DLG4: variants seen among roughly 807,000 people sequenced by gnomAD.
DLG4 encodes the protein disks large homolog 4.
A neutral mutation model predicts 93.8 loss-of-function variants in DLG4; 7 were observed. The observed-to-expected ratio is 0.07, with a 90% CI of 0.04 to 0.14. The LOEUF is 0.14. Ranked by LOEUF, DLG4 falls within the 10% of genes least tolerant of loss-of-function variation. DLG4 has a pLI of 1.00. For missense variants in DLG4, 545 were observed against 992.9 expected, an observed-to-expected ratio of 0.55 and a Z score of 6.06; for synonymous variants, 341 against 387.6, an observed-to-expected ratio of 0.88 and a Z score of 1.41.
rs994463041 is a variant in DLG4 at position 7,191,439 on chromosome 17, G to C, written c.1977-81C>G. On this transcript the variant is annotated intron_variant, in intron 18 of 19. Transcript: ENST00000399506. This position sits in a 1 kb window ranked among gnomAD's most constrained non-coding sequence, Gnocchi z 6.6. ...TATCTCCTCTATCCAGGAATGTTAA[G>C]TATTCTTCTATTTGGAGCACATAGC... The C allele has an allele frequency of 9.1e-7, 1 of 1,096,174 alleles. No individual in the cohort carries two copies. The highest frequency in any genetic ancestry group is 1.3e-5 in the South Asian group (1 of 78,378). 67.9% of individuals were successfully genotyped at this position (1,096,174 alleles called of 1,614,324 possible).
upstream of DLG4, chr17:7,219,598 TC>T: frequency 2.6e-6 from 3 of 1,167,068 alleles, no homozygotes; most frequent in Non-Finnish European, 3.2e-6. Context: ...ACCTTACACT[TC>T]TCTTTCCCTA....
chr17:7,214,596 G>A (rs973388786), intron 1 of DLG4, among the ~76,000 whole-genome samples: 4 of 152,192 alleles, frequency 2.6e-5, no homozygotes, highest in African/African-American at 9.7e-5. Flanking sequence ...CGCTCCTGGG[G>A]CTCTGGCAAA....
In DLG4 at chr17:7,192,999, G is replaced by A; in HGVS notation, c.1812C>T (p.Tyr604=). 1 of 1,613,752 alleles carries A rather than the reference G, an allele frequency of 6.2e-7. No individual in the cohort carries two copies. ...QAHKFIEAGQ[Y]NSHLYGTSVQ... is the part of the protein sequence containing the mutation. ...CGCTGGTCCCATAGAGGTGGCTGTT[G>A]TACTGGCCGGCCTCAATGAACTTGT... The change falls in exon 17 of 20, where the codon TAC becomes TAT. Residue 604 remains tyrosine, a synonymous_variant. Coordinates refer to ENST00000399506, the MANE Select transcript of DLG4 (RefSeq NM_001321075.3).
Position 7,196,465 on chromosome 17 carries a change from C to T in DLG4, c.1186+8G>A. On this transcript the variant is annotated splice_region_variant and intron_variant, in intron 10 of 19. Transcript: ENST00000399506. The surrounding 1 kb of genome is among the most constrained non-coding windows in gnomAD (Gnocchi z 8.3). ...AGCTCACAAGACAAGGAACTTCCGG[C>T]CTGGTACCTTCTGGTTTATACTGAG... is the stretch of plus-strand genomic sequence containing the variant. The T allele has an allele frequency of 6.2e-7, 1 of 1,613,934 alleles. No individual in the cohort carries two copies. Among genetic ancestry groups the T allele is most frequent in the Non-Finnish European group, 8.5e-7 (1 of 1,179,800 alleles).
chr17:7,191,959 C>T lies in DLG4; in HGVS notation c.1910G>A (p.Arg637Gln). ...ILDVSANAVR[R>Q]LQAAHLHPIA... ...GGGGTGCAGGTGGGCCGCCTGCAGC[C>T]GCCGCACGGCATTGGCCGAGACATC... The change falls in exon 18 of 20, where the codon CGG (arginine) becomes CAG (glutamine). Residue 637 changes from arginine to glutamine, a missense_variant. This residue lies in a region of DLG4 where 428 missense variants were observed against 741.4 expected (regional missense o/e 0.58). Coordinates refer to ENST00000399506, the MANE Select transcript of DLG4 (RefSeq NM_001321075.3). The surrounding 1 kb of genome is among the most constrained non-coding windows in gnomAD (Gnocchi z 6.6). The T allele has an allele frequency of 6.8e-7, 1 of 1,478,864 alleles. No individual in the cohort carries two copies. The highest frequency in any genetic ancestry group is 1.4e-5 in the South Asian group (1 of 70,544). The allele number at this position is 1,478,864 out of a possible 1,614,324, so 91.6% of individuals were successfully genotyped here.
chr17:7,211,616 C>G, intron 1 of DLG4: 1 of 889,050 alleles, frequency 1.1e-6, no homozygotes, highest in Non-Finnish European at 1.3e-6. Flanking sequence ...TGCGGGGGTC[C>G]GGGAAGGGGG....
At position 7,196,730 on chromosome 17, in the gene DLG4, T is replaced by G; in HGVS notation, c.1083+27A>C. 6.3e-7 allele frequency: 1 copy of G among 1,588,714 alleles called. No individual in the cohort carries two copies. The highest frequency in any genetic ancestry group is 8.6e-7 in the Non-Finnish European group (1 of 1,167,500). On this transcript the variant is annotated intron_variant, in intron 9 of 19. Transcript: ENST00000399506. The surrounding 1 kb of genome is among the most constrained non-coding windows in gnomAD (Gnocchi z 8.3). ...GCTCTGCCCTGTGGGGAGGGGGTGG[T>G]GCAGGTAGGGGCAGGCCTTCCCTCA...
chr17:7,190,744 G>A lies in DLG4; in HGVS notation c.2139C>T (p.Gly713=), dbSNP rs779318953. 3.7e-6 allele frequency: 6 copies of A among 1,613,730 alleles called. No individual in the cohort carries two copies. The highest frequency in any genetic ancestry group is 3.3e-5 in the South Asian group (3 of 91,074). ...CTCGGGCTGGAACCCAGATGTAGGG[G>A]CCTGAGAGGTCCTCGATGACACGCT... ...KVKRVIEDLS[G]PYIWVPARER... Residue 713 remains glycine, a synonymous_variant, in exon 20 of 20, where the codon GGC becomes GGT. Transcript: ENST00000399506.
Position 7,201,221 on chromosome 17 carries a change from G to T in DLG4, c.787+1682C>A, listed in dbSNP as rs565415931. Among the ~76,000 whole-genome samples, 31 of 152,284 alleles carry T rather than the reference G, an allele frequency of 2.0e-4. No homozygotes were observed. The South Asian group carries it at 3.9e-3, about 19-fold the overall frequency. ...TTTCCAGTTAATTCACTTAGATTTT[G>T]ATCTAGATGCACAGTAGTATAATTT... On this transcript the variant is annotated intron_variant, in intron 8 of 19. Coordinates refer to ENST00000399506, the MANE Select transcript of DLG4 (RefSeq NM_001321075.3).
chr17:7,218,626 G>A, upstream of DLG4: 1 of 1,562,474 alleles, frequency 6.4e-7, no homozygotes, highest in Non-Finnish European at 8.7e-7. Context: ...GGAGCCAGAG[G>A]GCTGACCTGG....
rs555824783 is a variant in DLG4, at chr17:7,208,949, C to G, written c.31-710G>C. Among the ~76,000 whole-genome samples the G allele has an allele frequency of 6.6e-6, 1 of 152,148 alleles. No individual in the cohort carries two copies. The highest frequency in any genetic ancestry group is 1.5e-5 in the Non-Finnish European group (1 of 67,998). ...TTCCAAGCAGTCAACAGAGGGGCCC[C>G]GGGAGTCTGGCCCTACCCCTGCAAC... On this transcript the variant is annotated intron_variant, in intron 1 of 19. Transcript: ENST00000399506. This position sits in a 1 kb window ranked among gnomAD's most constrained non-coding sequence, Gnocchi z 5.4.
chr17:7,212,074 G>A (rs1470848524), intron 1 of DLG4, among the ~76,000 whole-genome samples: 1 of 151,644 alleles, frequency 6.6e-6, no homozygotes, highest in Non-Finnish European at 1.5e-5. Flanking sequence ...CCAACATCGC[G>A]AGACCCCAAA....
At chr17:7,198,434 G>A (rs2069922221) in intron 8 of DLG4, among the ~76,000 whole-genome samples, 1 of 146,608 alleles carries the variant, frequency 6.8e-6, no homozygotes, top group African/African-American at 2.5e-5. Context: ...AAGGAGCCAA[G>A]ATTGTGCCAC....
Position 7,188,042 on chromosome 17 carries a change from C to T in DLG4, c.*2666G>A, listed in dbSNP as rs2069339037. Among the ~76,000 whole-genome samples the T allele has an allele frequency of 6.8e-6, 1 of 147,934 alleles. No homozygotes were observed. Among genetic ancestry groups the T allele is most frequent in the South Asian group, 2.2e-4 (1 of 4,634 alleles). On this transcript the variant is annotated 3_prime_UTR_variant, in exon 20 of 20. Transcript: ENST00000399506. Reference sequence around the variant, plus strand: ...CCGAGATCGCGCCATTGCACTCCAGCTTGGGCAACAAAAGTGAAACTCGAC... The same window carrying T: ...CCGAGATCGCGCCATTGCACTCCAGTTTGGGCAACAAAAGTGAAACTCGAC...
At position 7,194,026 on chromosome 17, in the gene DLG4, G is replaced by C; in HGVS notation, c.1479-26C>G. The C allele has an allele frequency of 6.2e-7, 1 of 1,611,818 alleles. No individual in the cohort carries two copies. Among genetic ancestry groups the C allele is most frequent in the Non-Finnish European group, 8.5e-7 (1 of 1,179,116 alleles). ...CTGTGGGATACATGGAGGGATACGC[G>C]GGTAGGGGAATGCCTACCCCCTGCC... On this transcript the variant is annotated intron_variant, in intron 12 of 19. Transcript: ENST00000399506. The surrounding 1 kb of genome is among the most constrained non-coding windows in gnomAD (Gnocchi z 4.4).
chr17:7,216,745 G>A (rs1397741326), intron 1 of DLG4, among the ~76,000 whole-genome samples: 1 of 151,962 alleles, frequency 6.6e-6, no homozygotes, highest in Non-Finnish European at 1.5e-5. Flanking sequence ...TCCCTGGGGA[G>A]GAAAGAGGAA....
At chr17:7,218,700 T>G, upstream of DLG4, 1 of 1,531,176 alleles carries the variant, frequency 6.5e-7, no homozygotes, top group Non-Finnish European at 8.9e-7. Context: ...ATGAACACAC[T>G]GTCACTTCAT....
In DLG4 at chr17:7,203,578, G is replaced by T. The variant is rs766191496; in HGVS notation, c.351C>A (p.Ile117=). The part of the protein sequence containing the change: ...QDGRLRVNDS[I]LFVNEVDVRE... ...GCACGTCCACTTCATTTACAAACAG[G>T]ATGCTGTCGTTGACCCTGGGAGCAG... Residue 117 remains isoleucine (I), a synonymous_variant, in exon 6 of 20, where the codon ATC becomes ATA. Coordinates refer to ENST00000399506, the MANE Select transcript of DLG4 (RefSeq NM_001321075.3). The surrounding 1 kb of genome is among the most constrained non-coding windows in gnomAD (Gnocchi z 7.2). 6.2e-7 allele frequency: 1 copy of T among 1,611,880 alleles called. No homozygotes were observed. The highest frequency in any genetic ancestry group is 1.1e-5 in the South Asian group (1 of 91,042).
chr17:7,196,654 C>T lies in DLG4; in HGVS notation c.1084-79G>A, dbSNP rs149414648. ...GTCCAGGTGGAGCAGGGAGTGGTCC[C>T]GCAAGAGGACTCGGCTGCAGCCCAT... On this transcript the variant is annotated intron_variant, in intron 9 of 19. Transcript: ENST00000399506. The surrounding 1 kb of genome is among the most constrained non-coding windows in gnomAD (Gnocchi z 8.3). 1.3e-3 allele frequency: 2,010 copies of T among 1,591,426 alleles called. 15 individuals are homozygous for T. The African/African-American group carries it at 0.015, about 12-fold the overall frequency.
Sources: gnomAD v4.1 joint callset for allele counts (sites outside exome capture counted in the v4.1 genomes callset) on GRCh38, gnomAD v4.1.1 for gene constraint, gnomAD v4.1.1 regional missense constraint, Gnocchi (gnomAD v3.1) non-coding constraint, MANE v1.5 for transcripts, NCBI Gene and HGNC (gene_info 2026-07-23, HGNC 2026-07-21) for gene names.